Variants in PIK3CG observed in about 807,000 individuals in gnomAD.
The protein encoded by PIK3CG is phosphatidylinositol-4,5-bisphosphate 3-kinase catalytic subunit gamma.
In PIK3CG, 55 loss-of-function variants were observed where a neutral mutation model predicts 102.3. The observed-to-expected ratio is 0.54, with a 90% CI of 0.43 to 0.67. PIK3CG has a LOEUF of 0.67. Ranked by LOEUF, PIK3CG falls within the 30% of genes least tolerant of loss-of-function variation. The pLI is 0.00. For missense variants in PIK3CG, 1,258 were observed against 1,391.8 expected (o/e 0.90, Z 1.53); for synonymous variants, 552 against 540.0 (o/e 1.02, Z -0.31).
In PIK3CG at chr7:106,872,984, C is replaced by A. The variant is rs1790591266; in HGVS notation, c.2287+46C>A. ...GTGTTCTCTTTCCAAATGCCTTCATCTCCAAATGCCATTGTTCCTATAATT... is the reference window on the plus strand; with the variant it reads ...GTGTTCTCTTTCCAAATGCCTTCATATCCAAATGCCATTGTTCCTATAATT... On this transcript the variant is annotated intron_variant, in intron 4 of 10. Coordinates refer to ENST00000496166, the MANE Select transcript of PIK3CG (RefSeq NM_001282426.2). This position sits in a 1 kb window ranked among gnomAD's most constrained non-coding sequence, Gnocchi z 5.3. 1 of 1,276,178 alleles carries A rather than the reference C, an allele frequency of 7.8e-7. No homozygotes were observed. Among genetic ancestry groups the A allele is most frequent in the Non-Finnish European group, 1.1e-6 (1 of 875,236 alleles). The allele number at this position is 1,276,178 out of a possible 1,614,324, so 79.1% of individuals were successfully genotyped here. A position where few individuals can be genotyped will look rare whatever the true frequency, so the allele number is the denominator to read the frequency against.
intron 10 of PIK3CG, among the ~76,000 whole-genome samples, chr7:106,896,748 T>C (rs1282842640): frequency 1.3e-5 from 2 of 152,176 alleles, no homozygotes; most frequent in African/African-American, 4.8e-5. Flanking sequence ...CTGACGTTTA[T>C]TGAGCCTTCA....
chr7:106,887,156 A>G (rs1254458513), intron 10 of PIK3CG, among the ~76,000 whole-genome samples: 1 of 152,214 alleles, frequency 6.6e-6, no homozygotes. Flanking sequence ...TTGACTATCA[A>G]ATACTTCAAA....
chr7:106,876,024 C>T (rs1390754479), intron 5 of PIK3CG, among the ~76,000 whole-genome samples: 6 of 149,880 alleles, frequency 4.0e-5, no homozygotes, highest in Non-Finnish European at 8.9e-5. Context: ...ACGCCATTCT[C>T]CTGCCTCAGC....
chr7:106,906,181 T>C lies in PIK3CG; in HGVS notation c.*794T>C. ...TTATGCCTGACATTTCTTCCCTTCC[T>C]TTTTCCCTGCCTCCCTTTTTCATCA... On this transcript the variant is annotated 3_prime_UTR_variant, in exon 11 of 11. Coordinates refer to ENST00000496166, the MANE Select transcript of PIK3CG (RefSeq NM_001282426.2). The C allele has an allele frequency of 4.4e-6, 1 of 226,204 alleles. No homozygotes were observed. The highest frequency in any genetic ancestry group is 8.8e-6 in the Non-Finnish European group (1 of 114,154). 14.0% of individuals were successfully genotyped at this position (226,204 alleles called of 1,614,324 possible).
rs2116552170 is a variant in PIK3CG at position 106,884,232 on chromosome 7, C to G, written c.2838C>G (p.Asp946Glu). The change falls in exon 9 of 11, where the codon GAC becomes GAG. Residue 946 changes from aspartate (D) to glutamate (E), a missense_variant. Asp to Glu is a conservative substitution (Grantham distance 45, BLOSUM62 2). This residue lies in a region of PIK3CG where 426 missense variants were observed against 604.2 expected (regional missense o/e 0.71). Coordinates refer to ENST00000496166, the MANE Select transcript of PIK3CG (RefSeq NM_001282426.2). The surrounding 1 kb of genome is among the most constrained non-coding windows in gnomAD (Gnocchi z 4.2). ...CAACCTTTGTTCTTGGAATAGGCGA[C>G]AGACACAATGACAATATTATGATCA... ...CVATFVLGIG[D>E]RHNDNIMITE... The G allele has an allele frequency of 6.2e-7, 1 of 1,613,384 alleles. No homozygotes were observed. Among genetic ancestry groups the G allele is most frequent in the Non-Finnish European group, 8.5e-7 (1 of 1,179,518 alleles).
rs1791619201 is a variant in PIK3CG at position 106,903,748 on chromosome 7, T to TA, written c.3031-1361_3031-1360insA. Among the ~76,000 whole-genome samples, 1 of 5,512 alleles carries TA rather than the reference T, an allele frequency of 1.8e-4. No individual in the cohort carries two copies. The highest frequency in any genetic ancestry group is 4.2e-3 in the Admixed American group (1 of 236). The allele number at this position is 5,512 out of a possible 152,430, so 3.6% of individuals were successfully genotyped here. A position where few individuals can be genotyped will look rare whatever the true frequency, so the allele number is the denominator to read the frequency against. Reference sequence around the variant, plus strand: ...TCCTTCACTTTTCTGATTTTATTTTTTTTATTTATTTATTTATTTATTTAT... The same window carrying TA: ...TCCTTCACTTTTCTGATTTTATTTTTATTTATTTATTTATTTATTTATTTAT... On this transcript the variant is annotated intron_variant, in intron 10 of 10. Transcript: ENST00000496166. This position sits in a 1 kb window ranked among gnomAD's most constrained non-coding sequence, Gnocchi z 4.3.
chr7:106,902,992 A>G lies in PIK3CG; in HGVS notation c.3031-2117A>G, dbSNP rs1326048822. 6.6e-6 allele frequency among the ~76,000 whole-genome samples: 1 copy of G among 152,088 alleles called. No homozygotes were observed. Among genetic ancestry groups the G allele is most frequent in the African/African-American group, 2.4e-5 (1 of 41,408 alleles). On this transcript the variant is annotated intron_variant, in intron 10 of 10. Coordinates refer to ENST00000496166, the MANE Select transcript of PIK3CG (RefSeq NM_001282426.2). This position sits in a 1 kb window ranked among gnomAD's most constrained non-coding sequence, Gnocchi z 4.3. ...ATTTTTGGTATATCACATGGAGTAG[A>G]ATTTTATTTTCTCCCCCAAATGATG...
In PIK3CG at chr7:106,882,196, G is replaced by T. The variant is rs149553647; in HGVS notation, c.2618G>T (p.Gly873Val). The change falls in exon 7 of 11, where the codon GGT (glycine) becomes GTT (valine). Residue 873 changes from glycine (G) to valine (V), a missense_variant. Physicochemically the swap from Gly to Val is moderately radical, Grantham distance 109. Transcript: ENST00000496166. Reference sequence around the variant, plus strand: ...CTGCCATATGGTTGCATTTCAACTGGTGACAAAATAGGTATGTAGTTACCT... The same window carrying T: ...CTGCCATATGGTTGCATTTCAACTGTTGACAAAATAGGTATGTAGTTACCT... ...CLLPYGCIST[G>V]DKIGMIEIVK... 29 of 1,568,394 alleles carry T rather than the reference G, an allele frequency of 1.8e-5. No individual in the cohort carries two copies. The highest frequency in any genetic ancestry group is 2.5e-5 in the Non-Finnish European group (29 of 1,152,838).
Position 106,879,694 on chromosome 7 carries a change from T to C in PIK3CG, c.2538+29T>C, listed in dbSNP as rs2116525743. On this transcript the variant is annotated intron_variant, in intron 6 of 10. Coordinates refer to ENST00000496166, the MANE Select transcript of PIK3CG (RefSeq NM_001282426.2). The surrounding 1 kb of genome is among the most constrained non-coding windows in gnomAD (Gnocchi z 4.9). The stretch of plus-strand genomic sequence containing the variant: ...TGCTAATTTTAAGATTGTTTTCAAT[T>C]ATCTGAAAACAATTCTATATTACAT... 1 of 1,569,760 alleles carries C rather than the reference T, an allele frequency of 6.4e-7. No individual in the cohort carries two copies. The highest frequency in any genetic ancestry group is 2.2e-5 in the East Asian group (1 of 44,608).
rs1346682255 is a variant in PIK3CG at position 106,890,185 on chromosome 7, T to C, written c.3030+3893T>C. Among the ~76,000 whole-genome samples, 1 of 152,234 alleles carries C rather than the reference T, an allele frequency of 6.6e-6. No individual in the cohort carries two copies. Among genetic ancestry groups the C allele is most frequent in the Non-Finnish European group, 1.5e-5 (1 of 68,048 alleles). ...AGAATGTGTTTTTTATTGTTCTCGTTGTTTTGTTTTGTTTGAGACGGAGTC... is the reference window on the plus strand; with the variant it reads ...AGAATGTGTTTTTTATTGTTCTCGTCGTTTTGTTTTGTTTGAGACGGAGTC... On this transcript the variant is annotated intron_variant, in intron 10 of 10. Coordinates refer to ENST00000496166, the MANE Select transcript of PIK3CG (RefSeq NM_001282426.2). The surrounding 1 kb of genome is among the most constrained non-coding windows in gnomAD (Gnocchi z 4.2).
In PIK3CG at chr7:106,886,371, TCA is replaced by T. The variant is rs1006779648; in HGVS notation, c.3030+81_3030+82del. 3.4e-6 allele frequency: 5 copies of T among 1,466,078 alleles called. No individual in the cohort carries two copies. The Admixed American group carries it at 9.2e-5, about 27-fold the overall frequency. The allele number at this position is 1,466,078 out of a possible 1,614,324, so 90.8% of individuals were successfully genotyped here. ...TGCAGCACTCCGCAGCCTTCACCTC[TCA>T]CTCAGCTTGGAGGCCAGTCCAGCCT... On this transcript the variant is annotated intron_variant, in intron 10 of 10. Transcript: ENST00000496166.
In PIK3CG at chr7:106,899,974, A is replaced by T. The variant is rs1026070940; in HGVS notation, c.3031-5135A>T. On this transcript the variant is annotated intron_variant, in intron 10 of 10. Transcript: ENST00000496166. This position sits in a 1 kb window ranked among gnomAD's most constrained non-coding sequence, Gnocchi z 4.6. ...TCTGGTAGAATTCAGCTGTGAATTG[A>T]TCAGGTCTTGGGCTTTTTTTTGGTT... is the stretch of plus-strand genomic sequence containing the variant. Among the ~76,000 whole-genome samples, 2 of 152,080 alleles carry T rather than the reference A, an allele frequency of 1.3e-5. No homozygotes were observed. The highest frequency in any genetic ancestry group is 4.8e-5 in the African/African-American group (2 of 41,418).
chr7:106,869,504 T>G lies in PIK3CG; in HGVS notation c.1943T>G (p.Leu648Arg). 1 of 1,614,086 alleles carries G rather than the reference T, an allele frequency of 6.2e-7. No homozygotes were observed. The highest frequency in any genetic ancestry group is 8.5e-7 in the Non-Finnish European group (1 of 1,179,954). ...ENVRAIAVQK[L>R]ESLEDDDVLH... is the part of the protein sequence containing the mutation. The stretch of plus-strand genomic sequence containing the variant: ...GTAAGAGCCATTGCAGTTCAGAAAC[T>G]GGAGAGCTTGGAGGACGATGATGTT... Residue 648 changes from leucine (L) to arginine (R), a missense_variant, in exon 2 of 11, where the codon CTG becomes CGG. Leu to Arg is a moderately radical substitution (Grantham distance 102). Coordinates refer to ENST00000496166, the MANE Select transcript of PIK3CG (RefSeq NM_001282426.2). The surrounding 1 kb of genome is among the most constrained non-coding windows in gnomAD (Gnocchi z 5.3).
In PIK3CG at chr7:106,868,273, G is replaced by T. The variant is rs149432307; in HGVS notation, c.712G>T (p.Asp238Tyr). ...CAGCCAGACCATTAAGGTCTCACCC[G>T]ACGACACCCCCGGCGCCATCCTGCA... Reference protein sequence around the residue: ...TTSQTIKVSPDDTPGAILQSF... With the variant: ...TTSQTIKVSPYDTPGAILQSF... The change falls in exon 2 of 11, where the codon GAC (aspartate) becomes TAC (tyrosine). Residue 238 changes from aspartate (D) to tyrosine (Y), a missense_variant. By Grantham distance (160) the Asp-to-Tyr change is radical (BLOSUM62 -3). This residue lies in a region of PIK3CG where 832 missense variants were observed against 787.5 expected (regional missense o/e 1.06). Transcript: ENST00000496166. The surrounding 1 kb of genome is among the most constrained non-coding windows in gnomAD (Gnocchi z 6.2). 1.2e-6 allele frequency: 2 copies of T among 1,613,908 alleles called. No individual in the cohort carries two copies. The highest frequency in any genetic ancestry group is 1.7e-6 in the Non-Finnish European group (2 of 1,180,046).
rs1427629331 is a variant in PIK3CG, at chr7:106,867,554, C to A, written c.-8C>A. The A allele has an allele frequency of 1.3e-6, 2 of 1,538,494 alleles. No individual in the cohort carries two copies. The highest frequency in any genetic ancestry group is 2.8e-5 in the African/African-American group (2 of 71,946). On this transcript the variant is annotated 5_prime_UTR_variant, in exon 2 of 11. Transcript: ENST00000496166. The surrounding 1 kb of genome is among the most constrained non-coding windows in gnomAD (Gnocchi z 5.1). ...CCTGTGTCCCTCCGCTCCCAGGTCG[C>A]ATAGGGCATGGAGCTGGAGAACTAT...
At position 106,897,803 on chromosome 7, in the gene PIK3CG, C is replaced by T. The variant is rs1286361041; in HGVS notation, c.3031-7306C>T. On this transcript the variant is annotated intron_variant, in intron 10 of 10. Transcript: ENST00000496166. The surrounding 1 kb of genome is among the most constrained non-coding windows in gnomAD (Gnocchi z 4.6). ...TCATTGATGGGCGTTTAGGTTGATT[C>T]TGTGTCTTTGCTATTGTGAATAGTG... 6.6e-6 allele frequency among the ~76,000 whole-genome samples: 1 copy of T among 152,142 alleles called. No homozygotes were observed. Among genetic ancestry groups the T allele is most frequent in the Non-Finnish European group, 1.5e-5 (1 of 68,030 alleles).
In PIK3CG at chr7:106,895,211, T is replaced by A. The variant is rs567949571; in HGVS notation, c.3030+8919T>A. Among the ~76,000 whole-genome samples the A allele has an allele frequency of 2.3e-3, 357 of 152,278 alleles. No homozygotes were observed. The highest frequency in any genetic ancestry group is 0.017 in the Middle Eastern group (5 of 294). On this transcript the variant is annotated intron_variant, in intron 10 of 10. Transcript: ENST00000496166. The surrounding 1 kb of genome is among the most constrained non-coding windows in gnomAD (Gnocchi z 5.4). ...ACTCTTCTTCTCTCAATAATACAAA[T>A]CCTTCAACAGTCAGTTGAGAAGGAG...
chr7:106,868,321 A>G lies in PIK3CG; in HGVS notation c.760A>G (p.Lys254Glu), dbSNP rs904950819. ...GCAGAGCTTCTTCACCAAGATGGCC[A>G]AGAAGAAATCTCTGATGGATATTCC... is the stretch of plus-strand genomic sequence containing the variant. Reference protein sequence around the residue: ...ILQSFFTKMAKKKSLMDIPES... With the variant: ...ILQSFFTKMAEKKSLMDIPES... Residue 254 changes from lysine (K) to glutamate (E), a missense_variant, in exon 2 of 11, where the codon AAG becomes GAG. By Grantham distance (56) the Lys-to-Glu change is moderately conservative (BLOSUM62 1). Coordinates refer to ENST00000496166, the MANE Select transcript of PIK3CG (RefSeq NM_001282426.2). The surrounding 1 kb of genome is among the most constrained non-coding windows in gnomAD (Gnocchi z 6.2). 3 of 1,614,120 alleles carry G rather than the reference A, an allele frequency of 1.9e-6. No homozygotes were observed. The highest frequency in any genetic ancestry group is 3.3e-5 in the Admixed American group (2 of 60,010).
In PIK3CG at chr7:106,899,087, G is replaced by A. The variant is rs1463645585; in HGVS notation, c.3031-6022G>A. 6.6e-6 allele frequency among the ~76,000 whole-genome samples: 1 copy of A among 151,984 alleles called. No homozygotes were observed. The highest frequency in any genetic ancestry group is 2.4e-5 in the African/African-American group (1 of 41,398). The stretch of plus-strand genomic sequence containing the variant: ...CATTGTAGAGATCTTTCACCTCCCT[G>A]GTTGGCTATATCCCTAGGTATTTTA... On this transcript the variant is annotated intron_variant, in intron 10 of 10. Transcript: ENST00000496166. The surrounding 1 kb of genome is among the most constrained non-coding windows in gnomAD (Gnocchi z 4.6).
Sources: allele counts gnomAD v4.1 joint callset (sites outside exome capture counted in the v4.1 genomes callset), GRCh38; gene constraint gnomAD v4.1.1; regional missense constraint gnomAD v4.1.1; non-coding constraint Gnocchi (gnomAD v3.1); transcripts MANE v1.5; gene names NCBI Gene and HGNC (gene_info 2026-07-23, HGNC 2026-07-21).